CBFA2T2: variants seen among roughly 807,000 people sequenced by gnomAD.
The protein encoded by CBFA2T2 is protein CBFA2T2.
CBFA2T2 carries 11 observed loss-of-function variants against 62.2 expected under a neutral mutation model. The observed-to-expected ratio is 0.18, with a 90% CI of 0.11 to 0.29. The LOEUF is 0.29. Among genes scored for constraint, CBFA2T2 ranks in the 10% least tolerant of loss-of-function variants. CBFA2T2 has a pLI of 1.00. For missense variants in CBFA2T2, 592 were observed against 774.1 expected (o/e 0.76, Z 2.79); for synonymous variants, 295 against 287.5 (o/e 1.03, Z -0.27).
chr20:33,501,549 A>G (rs565974234), intron 1 of CBFA2T2, among the ~76,000 whole-genome samples: 1 of 148,770 alleles, frequency 6.7e-6, no homozygotes, highest in African/African-American at 2.5e-5. Flanking sequence ...TCCCCAGCCA[A>G]TTGCTGAAAT....
chr20:33,567,798 G>A (rs1396566280), intron 1 of CBFA2T2, among the ~76,000 whole-genome samples: 2 of 151,720 alleles, frequency 1.3e-5, no homozygotes, highest in Non-Finnish European at 2.9e-5. Flanking sequence ...TGGCCAGGCA[G>A]GTTTCGAACG....
intron 1 of CBFA2T2, among the ~76,000 whole-genome samples, chr20:33,494,901 G>A (rs1292164441): frequency 6.6e-6 from 1 of 151,412 alleles, no homozygotes; most frequent in African/African-American, 2.4e-5. Context: ...CCTGTCCTAG[G>A]TATGTTTTAT....
At chr20:33,521,954 C>G (rs1279650276) in intron 1 of CBFA2T2, among the ~76,000 whole-genome samples, 1 of 151,864 alleles carries the variant, frequency 6.6e-6, no homozygotes, top group Non-Finnish European at 1.5e-5. Flanking sequence ...GTTAACTTCT[C>G]TGAGAGAGTT....
At chr20:33,490,357 C>A in intron 1 of CBFA2T2, 56 bp downstream of exon 1, 1 of 1,253,694 alleles carries the variant, frequency 8.0e-7, no homozygotes, top group East Asian at 3.0e-5. Flanking sequence ...CCTGCGGCTC[C>A]GCAGGCGCGG....
At chr20:33,589,137 T>G (rs1485922163) in intron 1 of CBFA2T2, among the ~76,000 whole-genome samples, 2 of 152,140 alleles carry the variant, frequency 1.3e-5, no homozygotes, top group Non-Finnish European at 2.9e-5. Flanking sequence ...AAACTAGAGC[T>G]GCAACATAAA....
intron 8 of CBFA2T2, among the ~76,000 whole-genome samples, chr20:33,635,209 T>A (rs985822325): frequency 6.6e-6 from 1 of 152,242 alleles, no homozygotes; most frequent in Admixed American, 6.5e-5. Context: ...AAAATTATTT[T>A]AATTTAGAAT....
chr20:33,636,427 T>C (rs756730832), intron 8 of CBFA2T2, among the ~76,000 whole-genome samples: 16 of 152,320 alleles, frequency 1.1e-4, no homozygotes, highest in Non-Finnish European at 1.9e-4. Flanking sequence ...TTTGAAATAC[T>C]GTTAATTTGT....
chr20:33,614,627 C>A (rs1568853522), intron 3 of CBFA2T2, among the ~76,000 whole-genome samples: 1 of 152,194 alleles, frequency 6.6e-6, no homozygotes. Context: ...TTTAACTACT[C>A]TAGGTACCTC....
At chr20:33,525,423 T>A (rs2011860965) in intron 1 of CBFA2T2, among the ~76,000 whole-genome samples, 1 of 152,112 alleles carries the variant, frequency 6.6e-6, no homozygotes, top group African/African-American at 2.4e-5. Flanking sequence ...CGACCTCAGG[T>A]GATCTTCCTG....
At chr20:33,603,931 G>A (rs1177063695) in intron 1 of CBFA2T2, among the ~76,000 whole-genome samples, 1 of 152,130 alleles carries the variant, frequency 6.6e-6, no homozygotes. Context: ...GGGTTAAAAT[G>A]CCTACTTTGG....
chr20:33,512,716 A>G (rs1423742745), intron 1 of CBFA2T2, among the ~76,000 whole-genome samples: 2 of 148,502 alleles, frequency 1.3e-5, no homozygotes, highest in African/African-American at 4.9e-5. Flanking sequence ...TGCAGGGAAC[A>G]TTCTTCTGTG....
At chr20:33,533,303 T>C (rs955082081) in intron 1 of CBFA2T2, among the ~76,000 whole-genome samples, 2 of 152,220 alleles carry the variant, frequency 1.3e-5, no homozygotes, top group Non-Finnish European at 2.9e-5. Context: ...CCCCCTGCCC[T>C]GTCTCCAAGC....
chr20:33,573,762 G>C (rs1231173167), intron 1 of CBFA2T2, among the ~76,000 whole-genome samples: 4 of 151,748 alleles, frequency 2.6e-5, no homozygotes, highest in African/African-American at 9.7e-5. Context: ...TTACAGGCTT[G>C]AGCCACCACA....
chr20:33,552,202 T>C (rs1324346120), intron 1 of CBFA2T2, among the ~76,000 whole-genome samples: 2 of 152,196 alleles, frequency 1.3e-5, no homozygotes, highest in African/African-American at 4.8e-5. Context: ...CATTGTCATA[T>C]AAATTGGAAA....
intron 1 of CBFA2T2, among the ~76,000 whole-genome samples, chr20:33,604,476 T>C (rs2015262524): frequency 6.6e-6 from 1 of 152,242 alleles, no homozygotes; most frequent in South Asian, 2.1e-4. Flanking sequence ...GTGCTTTTTC[T>C]GCTTCATTCA....
chr20:33,512,196 G>A (rs1228014507), intron 1 of CBFA2T2, among the ~76,000 whole-genome samples: 1 of 151,324 alleles, frequency 6.6e-6, no homozygotes, highest in African/African-American at 2.4e-5. Context: ...AAAATTAGCC[G>A]GGCATGGCGG....
At chr20:33,537,654 T>C (rs1018660733) in intron 1 of CBFA2T2, among the ~76,000 whole-genome samples, 3 of 152,234 alleles carry the variant, frequency 2.0e-5, no homozygotes, top group African/African-American at 7.2e-5. Context: ...TACATGTAGA[T>C]CTAATATTTT....
At chr20:33,494,210 T>C (rs2011170669) in intron 1 of CBFA2T2, among the ~76,000 whole-genome samples, 1 of 139,034 alleles carries the variant, frequency 7.2e-6, no homozygotes, top group Non-Finnish European at 1.5e-5. Context: ...GCGATTATAG[T>C]GTGACTGTAC....
intron 4 of CBFA2T2, among the ~76,000 whole-genome samples, chr20:33,622,272 G>A (rs2016022592): frequency 6.6e-6 from 1 of 152,138 alleles, no homozygotes; most frequent in South Asian, 2.1e-4. Context: ...ACTAATTATG[G>A]TGCCTGCTAA....
Sources: allele counts gnomAD v4.1 joint callset (sites outside exome capture counted in the v4.1 genomes callset), GRCh38; gene constraint gnomAD v4.1.1; transcripts MANE v1.5; gene names NCBI Gene and HGNC (gene_info 2026-07-23, HGNC 2026-07-21).